Variants in EIF2D observed in about 807,000 individuals in gnomAD.
The protein encoded by EIF2D is hepatocellular carcinoma-associated antigen 56.
A neutral mutation model predicts 77.4 loss-of-function variants in EIF2D; 56 were observed. The observed-to-expected ratio is 0.72, with a 90% confidence interval of 0.58 to 0.90. The LOEUF (loss-of-function observed/expected upper bound fraction) is 0.90, where lower values mean the gene tolerates loss of function less well. EIF2D is among the 40% of genes least tolerant of loss of function. The pLI is 0.00. For missense variants in EIF2D, 574 were observed against 706.5 expected, an observed-to-expected ratio of 0.81 and a Z score of 2.13; for synonymous variants, 230 against 271.0, an observed-to-expected ratio of 0.85 and a Z score of 1.49.
At chr1:206,575,453 G>A (rs79183123) in intron 4 of EIF2D, among the ~76,000 whole-genome samples, 4 of 152,148 alleles carry the variant, frequency 2.6e-5, no homozygotes, top group Non-Finnish European at 4.4e-5. Context: ...TGCGTAGACC[G>A]GCTTGGGCTT....
At chr1:206,588,647 A>T (rs1553408232), downstream of EIF2D, 1 of 152,412 alleles carries the variant, frequency 6.6e-6, no homozygotes, top group Admixed American at 6.5e-5. Context: ...CCCAGAAGGA[A>T]TGCTGACCCC....
At position 206,583,394 on chromosome 1, in the gene EIF2D, A is replaced by T. The variant is rs1553406799; in HGVS notation, c.139-2232T>A. On this transcript the variant is annotated intron_variant and NMD_transcript_variant, in intron 2 of 5. Coordinates refer to the EIF2D transcript ENST00000472709. Reference sequence around the variant, plus strand: ...GCATGAAACTGGTAAGCGCCCGTCCACCCTCAACCTGGCCCCTGCTCCACC... The same window carrying T: ...GCATGAAACTGGTAAGCGCCCGTCCTCCCTCAACCTGGCCCCTGCTCCACC... 1.9e-6 allele frequency: 3 copies of T among 1,565,036 alleles called. No individual in the cohort carries two copies. In the Admixed American group the frequency reaches 5.0e-5, roughly 26 times the overall value.
intron 13 of EIF2D, chr1:206,594,043 C>A: frequency 3.2e-6 from 1 of 312,630 alleles, no homozygotes; most frequent in Non-Finnish European, 5.8e-6. Context: ...AGAATGTCTA[C>A]TTCTTTTTTA....
rs1668806456 is a variant in EIF2D at position 206,579,998 on chromosome 1, G to C, written c.*254+694C>G. ...ATTCGTAGTGTTGGCTACACACGGG[G>C]CTCCTGGCACTCCCAGACAGGGCTT... On this transcript the variant is annotated intron_variant and NMD_transcript_variant, in intron 4 of 5. Transcript: ENST00000472709. This position sits in a 1 kb window ranked among gnomAD's most constrained non-coding sequence, Gnocchi z 4.2. Among the ~76,000 whole-genome samples, 1 of 152,224 alleles carries C rather than the reference G, an allele frequency of 6.6e-6. No homozygotes were observed. Among genetic ancestry groups the C allele is most frequent in the Non-Finnish European group, 1.5e-5 (1 of 68,038 alleles).
At chr1:206,593,511 G>GTGTGTGCA in intron 14 of EIF2D, 108 bp downstream of exon 14, 1 of 556,682 alleles carries the variant, frequency 1.8e-6, no homozygotes, top group Admixed American at 3.3e-5. Flanking sequence ...GAGAGAGAGT[G>GTGTGTGCA]TGTGTGTGTG....
intron 2 of EIF2D, among the ~76,000 whole-genome samples, chr1:206,581,878 C>T (rs1031085755): frequency 9.2e-5 from 14 of 152,016 alleles, no homozygotes; most frequent in East Asian, 5.8e-4. Context: ...AGCTCTGTCA[C>T]GGAGGGGGGG....
chr1:206,598,960 C>T (rs1553410700), intron 11 of EIF2D, 43 bp downstream of exon 11: 1 of 1,594,932 alleles, frequency 6.3e-7, no homozygotes, highest in South Asian at 1.1e-5. Context: ...CTGATAAAGA[C>T]AAAGACCCAA....
At chr1:206,571,031 T>C (rs1553404123), downstream of EIF2D, among the ~76,000 whole-genome samples, 2 of 152,216 alleles carry the variant, frequency 1.3e-5, no homozygotes, top group African/African-American at 4.8e-5. Flanking sequence ...AGTGACTGCA[T>C]TATTTTACAA....
rs200482213 is a variant in EIF2D, at chr1:206,584,378, C to T, written c.139-3216G>A. 30 of 1,604,020 alleles carry T rather than the reference C, an allele frequency of 1.9e-5. No individual in the cohort carries two copies. The highest frequency in any genetic ancestry group is 1.7e-4 in the Middle Eastern group (1 of 5,994). ...GCCCTGACCCCCTGTGACATGCCCC[C>T]GCTGGCAGAGTGAAGACGGCACCTA... is the stretch of plus-strand genomic sequence containing the variant. On this transcript the variant is annotated intron_variant and NMD_transcript_variant, in intron 2 of 5. Coordinates refer to the EIF2D transcript ENST00000472709. This position sits in a 1 kb window ranked among gnomAD's most constrained non-coding sequence, Gnocchi z 4.9.
chr1:206,611,126 G>C, intron 2 of EIF2D, 58 bp downstream of exon 2: 1 of 1,471,934 alleles, frequency 6.8e-7, no homozygotes, highest in Non-Finnish European at 9.3e-7. Flanking sequence ...ACAGAGAGAA[G>C]CAGATGTTAG....
intron 1 of EIF2D, 121 bp downstream of exon 1, chr1:206,612,166 C>T (rs1670528470): frequency 7.2e-7 from 1 of 1,380,188 alleles, no homozygotes; most frequent in Non-Finnish European, 1.0e-6. Flanking sequence ...GGTCCCTTCC[C>T]TGGCATACCC....
chr1:206,606,402 C>T (rs1670204374), intron 4 of EIF2D, among the ~76,000 whole-genome samples: 1 of 152,192 alleles, frequency 6.6e-6, no homozygotes, highest in South Asian at 2.1e-4. Flanking sequence ...TTGAGAACTC[C>T]AGTCTTGAAC....
At chr1:206,586,496 T>C in intron 2 of EIF2D, 1 of 241,288 alleles carries the variant, frequency 4.1e-6, no homozygotes, top group Non-Finnish European at 8.1e-6. Context: ...TTTCTGAGGG[T>C]CTGCATGTTG....
downstream of EIF2D, among the ~76,000 whole-genome samples, chr1:206,570,346 G>A (rs1272066884): frequency 1.1e-4 from 17 of 151,880 alleles, no homozygotes; most frequent in African/African-American, 2.2e-4. Flanking sequence ...TTCCTGCCTC[G>A]GCCTCCCTAA....
At chr1:206,602,097 C>G in intron 7 of EIF2D, 1 of 454,330 alleles carries the variant, frequency 2.2e-6, no homozygotes. Flanking sequence ...TTTAACTTTC[C>G]GGTCCTCAAT....
chr1:206,609,447 CACAGCGTGTACACTGTACA>C lies in EIF2D; in HGVS notation c.248-7_259del, dbSNP rs1670364049. 6.2e-7 allele frequency: 1 copy of C among 1,613,990 alleles called. No homozygotes were observed. The highest frequency in any genetic ancestry group is 1.7e-5 in the Admixed American group (1 of 59,992). ...GGTTGGCAGAAGATCAGGATAGGAC[CACAGCGTGTACACTGTACA>C]AAAAGAGATCCAGAAAACACTACTA... On this transcript the variant is annotated splice_acceptor_variant and splice_polypyrimidine_tract_variant and coding_sequence_variant and intron_variant, in exon 3 of 15. Transcript: ENST00000271764. LOFTEE classifies it high-confidence loss of function.
chr1:206,573,356 T>A (rs1668519472), intron 4 of EIF2D, among the ~76,000 whole-genome samples: 1 of 152,112 alleles, frequency 6.6e-6, no homozygotes, highest in Non-Finnish European at 1.5e-5. Context: ...GACCATGTAG[T>A]GAGTAATAGG....
Position 206,603,091 on chromosome 1 carries a change from A to T in EIF2D, c.644T>A (p.Met215Lys). ...TTCCCCCTCCAGGGTCATGTGCCTC[A>T]TGTCTCCCTGCAGGGTGGAGTCCAT... Reference protein sequence around the residue: ...VQMDSTLQGDMRHMTLEGEEE... With the variant: ...VQMDSTLQGDKRHMTLEGEEE... The change falls in exon 6 of 15, where the codon ATG becomes AAG. Residue 215 changes from methionine to lysine, a missense_variant. Met to Lys is a moderately conservative substitution (Grantham distance 95). Coordinates refer to ENST00000271764, the MANE Select transcript of EIF2D (RefSeq NM_006893.3). 1 of 1,614,092 alleles carries T rather than the reference A, an allele frequency of 6.2e-7. No homozygotes were observed. Among genetic ancestry groups the T allele is most frequent in the Non-Finnish European group, 8.5e-7 (1 of 1,180,026 alleles).
chr1:206,591,528 A>G (rs1669337124), downstream of EIF2D: 1 of 530,802 alleles, frequency 1.9e-6, no homozygotes, highest in Non-Finnish European at 3.3e-6. Flanking sequence ...GAAATCATTG[A>G]AACCACATGG....
Sources: allele counts gnomAD v4.1 joint callset (sites outside exome capture counted in the v4.1 genomes callset), GRCh38; gene constraint gnomAD v4.1.1; non-coding constraint Gnocchi (gnomAD v3.1); transcripts MANE v1.5; gene names NCBI Gene and HGNC (gene_info 2026-07-23, HGNC 2026-07-21).